The following KCNJ6 variants were observed in gnomAD, a reference collection of about 807,000 sequenced individuals.
The protein encoded by KCNJ6 is potassium inwardly rectifying channel subfamily J member 6, also known as G protein-activated inward rectifier potassium channel 2.
Under a neutral mutation model 34.2 loss-of-function variants are expected in KCNJ6, and 9 were observed. The observed-to-expected ratio is 0.26, with a 90% CI of 0.16 to 0.46. KCNJ6 has a LOEUF of 0.46. KCNJ6 is among the 20% of genes least tolerant of loss of function. The pLI, the probability that KCNJ6 is intolerant of heterozygous loss-of-function variation, is 1.00. For synonymous variants in KCNJ6, 196 were observed against 207.1 expected, an observed-to-expected ratio of 0.95 and a Z score of 0.46; for missense variants, 236 against 531.3, an observed-to-expected ratio of 0.44 and a Z score of 5.46.
intron 3 of KCNJ6, among the ~76,000 whole-genome samples, chr21:37,626,606 A>G (rs2054312225): frequency 6.6e-6 from 1 of 152,314 alleles, no homozygotes; most frequent in East Asian, 1.9e-4. Flanking sequence ...CAAGTGTGGC[A>G]TAAGATATGA....
rs144698876 is a variant in KCNJ6 at position 37,853,846 on chromosome 21, GTA to G, written c.-27-13139_-27-13138del. ...GTAGTTAAGAGATACATATATATATGTATATATATATATATAAATTACATTGT... is the reference window on the plus strand; with the variant it reads ...GTAGTTAAGAGATACATATATATATGTATATATATATATAAATTACATTGT... On this transcript the variant is annotated intron_variant, in intron 1 of 3. Transcript: ENST00000609713. Among the ~76,000 whole-genome samples the G allele has an allele frequency of 3.8e-4, 44 of 115,948 alleles. 2 individuals are homozygous for G. Among genetic ancestry groups the G allele is most frequent in the African/African-American group, 1.5e-3 (37 of 25,108 alleles). The allele number at this position is 115,948 out of a possible 152,430, so 76.1% of individuals were successfully genotyped here.
intron 2 of KCNJ6, among the ~76,000 whole-genome samples, chr21:37,811,693 T>TA (rs2055323478): frequency 6.6e-6 from 1 of 152,180 alleles, no homozygotes; most frequent in South Asian, 2.1e-4. Context: ...TTTTTTTTTT[T>TA]ACCAGTGGAA....
intron 2 of KCNJ6, among the ~76,000 whole-genome samples, chr21:37,725,413 A>G (rs980216367): frequency 5.9e-5 from 9 of 152,240 alleles, no homozygotes; most frequent in Non-Finnish European, 1.2e-4. Flanking sequence ...GCTAGAAAAC[A>G]TATAAAAAGA....
At chr21:37,754,532 G>T (rs2055013826) in intron 2 of KCNJ6, among the ~76,000 whole-genome samples, 1 of 152,158 alleles carries the variant, frequency 6.6e-6, no homozygotes, top group Non-Finnish European at 1.5e-5. Flanking sequence ...TAAAATGAAA[G>T]AAGAAACGTA....
chr21:37,669,664 T>C (rs536333234), intron 3 of KCNJ6, among the ~76,000 whole-genome samples: 1 of 152,036 alleles, frequency 6.6e-6, no homozygotes, highest in South Asian at 2.1e-4. Context: ...TTGGACATTT[T>C]CATGATGCTG....
intron 3 of KCNJ6, among the ~76,000 whole-genome samples, chr21:37,680,422 C>T (rs1018692131): frequency 6.6e-6 from 1 of 152,174 alleles, no homozygotes; most frequent in African/African-American, 2.4e-5. Context: ...CTGTCAAATT[C>T]CTGGGTATCC....
At chr21:37,781,588 T>A (rs1395883109) in intron 2 of KCNJ6, among the ~76,000 whole-genome samples, 1 of 152,178 alleles carries the variant, frequency 6.6e-6, no homozygotes, top group Non-Finnish European at 1.5e-5. Flanking sequence ...GCCTCTAAAG[T>A]ATACCATGAG....
At chr21:37,743,332 A>T (rs2054950379) in intron 2 of KCNJ6, among the ~76,000 whole-genome samples, 1 of 152,068 alleles carries the variant, frequency 6.6e-6, no homozygotes, top group Non-Finnish European at 1.5e-5. Flanking sequence ...ATGCGTGTGT[A>T]TATGTGTGTG....
intron 3 of KCNJ6, among the ~76,000 whole-genome samples, chr21:37,669,234 C>T (rs2054531012): frequency 6.6e-6 from 1 of 152,166 alleles, no homozygotes; most frequent in Non-Finnish European, 1.5e-5. Context: ...TTCCAGTTGT[C>T]CTGCCTTTCC....
intron 3 of KCNJ6, among the ~76,000 whole-genome samples, chr21:37,638,055 A>C (rs562742579): frequency 1.2e-4 from 19 of 152,322 alleles, no homozygotes; most frequent in Admixed American, 1.0e-3. Flanking sequence ...GAGGGTTCTC[A>C]TTTAGGAGGC....
chr21:37,891,129 G>C (rs1488805120), intron 1 of KCNJ6, among the ~76,000 whole-genome samples: 1 of 152,138 alleles, frequency 6.6e-6, no homozygotes, highest in Non-Finnish European at 1.5e-5. Flanking sequence ...GAAGGCATAG[G>C]GGACGGGCTT....
At chr21:37,771,030 T>G (rs1277015428) in intron 2 of KCNJ6, among the ~76,000 whole-genome samples, 1 of 152,204 alleles carries the variant, frequency 6.6e-6, no homozygotes, top group Non-Finnish European at 1.5e-5. Context: ...TGCTTTTGCC[T>G]GTACACAGGA....
In KCNJ6 at chr21:37,714,519, A is replaced by G; in HGVS notation, c.638T>C (p.Met213Thr). The G allele has an allele frequency of 6.2e-7, 1 of 1,614,170 alleles. No individual in the cohort carries two copies. The highest frequency in any genetic ancestry group is 8.5e-7 in the Non-Finnish European group (1 of 1,180,032). Residue 213 changes from methionine (M) to threonine (T), a missense_variant, in exon 3 of 4, where the codon ATG becomes ACG. Physicochemically the swap from Met to Thr is moderately conservative, Grantham distance 81 (BLOSUM62 -1). Coordinates refer to ENST00000609713, the MANE Select transcript of KCNJ6 (RefSeq NM_002240.5). The surrounding 1 kb of genome is among the most constrained non-coding windows in gnomAD (Gnocchi z 5.9). ...CATCAGGCACAGTTTCCCATCCCGC[A>G]TGGAGATCACTGCATGGGTGGAAAA... The part of the protein sequence containing the change: ...LVFSTHAVIS[M>T]RDGKLCLMFR...
At chr21:37,809,929 T>C (rs2055314162) in intron 2 of KCNJ6, among the ~76,000 whole-genome samples, 1 of 152,198 alleles carries the variant, frequency 6.6e-6, no homozygotes, top group African/African-American at 2.4e-5. Context: ...GAATTTCCTT[T>C]CCAACCCACC....
chr21:37,865,824 A>G (rs1428210033), intron 1 of KCNJ6, among the ~76,000 whole-genome samples: 2 of 152,208 alleles, frequency 1.3e-5, no homozygotes, highest in African/African-American at 4.8e-5. Context: ...GTTGGATTTA[A>G]ACTGCACTCA....
At chr21:37,841,504 T>C (rs1392438993) in intron 1 of KCNJ6, among the ~76,000 whole-genome samples, 1 of 152,236 alleles carries the variant, frequency 6.6e-6, no homozygotes, top group East Asian at 1.9e-4. Context: ...AATATGTTCA[T>C]TATTTAAAAA....
chr21:37,798,485 A>G (rs1480002055), intron 2 of KCNJ6, among the ~76,000 whole-genome samples: 1 of 152,272 alleles, frequency 6.6e-6, no homozygotes, highest in Non-Finnish European at 1.5e-5. Context: ...CGTCCAAGGC[A>G]GTGTTGCTCA....
chr21:37,690,061 C>A (rs1311379878), intron 3 of KCNJ6, among the ~76,000 whole-genome samples: 3 of 152,100 alleles, frequency 2.0e-5, no homozygotes, highest in Non-Finnish European at 4.4e-5. Flanking sequence ...AAAATCCTTT[C>A]TTTCTCAGTA....
chr21:37,804,919 T>G (rs531135674), intron 2 of KCNJ6, among the ~76,000 whole-genome samples: 98 of 152,262 alleles, frequency 6.4e-4, no homozygotes, highest in Middle Eastern at 6.8e-3. Context: ...GATGAATGGA[T>G]AATTATGATG....
Sources: allele counts gnomAD v4.1 joint callset (sites outside exome capture counted in the v4.1 genomes callset), GRCh38; gene constraint gnomAD v4.1.1; non-coding constraint Gnocchi (gnomAD v3.1); transcripts MANE v1.5; gene names NCBI Gene and HGNC (gene_info 2026-07-23, HGNC 2026-07-21).